EGF: variants seen among roughly 807,000 people sequenced by gnomAD.
EGF encodes pro-epidermal growth factor.
Under a neutral mutation model 143.8 loss-of-function variants are expected in EGF, and 95 were observed. That is an observed-to-expected ratio of 0.66 (90% CI 0.56 to 0.78). EGF has a LOEUF of 0.78. Among genes scored for constraint, EGF ranks in the 30% least tolerant of loss-of-function variants. EGF has a pLI of 0.00. For synonymous variants in EGF, 510 were observed against 510.5 expected, an observed-to-expected ratio of 1.00 and a Z score of 0.01; for missense variants, 1,320 against 1,470.9, an observed-to-expected ratio of 0.90 and a Z score of 1.68.
intron 22 of EGF, among the ~76,000 whole-genome samples, chr4:110,004,997 TTTTC>T (rs1376970769): frequency 2.6e-5 from 4 of 151,676 alleles, no homozygotes; most frequent in East Asian, 1.9e-4. Flanking sequence ...TTCTAATTTA[TTTTC>T]TTTCTTTCTT....
intron 21 of EGF, 103 bp downstream of exon 21, chr4:109,999,949 C>T: frequency 6.5e-7 from 1 of 1,533,600 alleles, no homozygotes; most frequent in South Asian, 1.1e-5. Context: ...CCTCTACATA[C>T]TACATTTAAA....
At chr4:109,921,694 A>T (rs1270391681) in intron 1 of EGF, among the ~76,000 whole-genome samples, 2 of 151,514 alleles carry the variant, frequency 1.3e-5, no homozygotes, top group African/African-American at 4.9e-5. Context: ...TTCTGTGGGT[A>T]GGTGGTTGCT....
chr4:109,945,001 A>T, intron 4 of EGF, 72 bp from the exon 5 acceptor site: 1 of 1,490,972 alleles, frequency 6.7e-7, no homozygotes. Context: ...ATAAATTGAA[A>T]TGAAGTGAAA....
At chr4:109,947,869 G>A (rs1363373293) in intron 5 of EGF, among the ~76,000 whole-genome samples, 1 of 152,132 alleles carries the variant, frequency 6.6e-6, no homozygotes, top group African/African-American at 2.4e-5. Flanking sequence ...AGGAAGGGTA[G>A]GAATAATTGT....
intron 21 of EGF, among the ~76,000 whole-genome samples, chr4:110,000,299 T>C (rs368545011): frequency 9.2e-5 from 14 of 152,218 alleles, no homozygotes; most frequent in South Asian, 6.2e-4. Flanking sequence ...TTTTTACTGT[T>C]AGCTCAGGAT....
intron 16 of EGF, among the ~76,000 whole-genome samples, chr4:109,985,063 GC>G (rs1432329008): frequency 6.6e-6 from 1 of 152,202 alleles, no homozygotes; most frequent in African/African-American, 2.4e-5. Context: ...GATTCATAGA[GC>G]ATATTTTGAA....
At chr4:109,934,743 G>A (rs1740448226) in intron 1 of EGF, among the ~76,000 whole-genome samples, 2 of 152,148 alleles carry the variant, frequency 1.3e-5, no homozygotes, top group Non-Finnish European at 2.9e-5. Context: ...TTTGTGTAAG[G>A]TGTAAGGAAG....
At chr4:109,963,568 G>A (rs1169665711) in intron 9 of EGF, among the ~76,000 whole-genome samples, 1 of 152,152 alleles carries the variant, frequency 6.6e-6, no homozygotes, top group Non-Finnish European at 1.5e-5. Flanking sequence ...GTCATGACAA[G>A]AATAGTCTTA....
chr4:109,925,874 G>T (rs1738551141), intron 1 of EGF, among the ~76,000 whole-genome samples: 2 of 152,184 alleles, frequency 1.3e-5, no homozygotes, highest in Admixed American at 1.3e-4. Flanking sequence ...TGAGATCACA[G>T]AGAACACCAC....
At chr4:109,980,716 A>C in intron 14 of EGF, 110 bp from the exon 15 acceptor site, 1 of 1,227,952 alleles carries the variant, frequency 8.1e-7, no homozygotes, top group Non-Finnish European at 1.2e-6. Context: ...GATACACTGC[A>C]TTTCTCTCCC....
intron 9 of EGF, 21 bp from the exon 10 acceptor site, chr4:109,964,380 T>C (rs1578277235): frequency 1.2e-6 from 2 of 1,613,748 alleles, no homozygotes; most frequent in Non-Finnish European, 1.7e-6. Context: ...AATTCAGCCA[T>C]ATTTGAAATT....
chr4:109,996,055 G>A (rs1751753837), intron 20 of EGF, among the ~76,000 whole-genome samples: 1 of 152,004 alleles, frequency 6.6e-6, no homozygotes, highest in African/African-American at 2.4e-5. Flanking sequence ...AATCTAATTG[G>A]TTTTGCCTGT....
rs866514649 is a variant in EGF, at chr4:109,994,816, G to A, written c.2941G>A (p.Asp981Asn). Residue 981 changes from aspartate (D) to asparagine (N), a missense_variant, in exon 20 of 24, where the codon GAT becomes AAT. Physicochemically the swap from Asp to Asn is conservative, Grantham distance 23. This residue lies in a region of EGF where 1,186 missense variants were observed against 1,313.7 expected (regional missense o/e 0.90). Transcript: ENST00000265171. ...NSDSECPLSH[D>N]GYCLHDGVCM... ...TGACTCTGAATGTCCCCTGTCCCAC[G>A]ATGGGTACTGCCTCCATGATGGTGT... The A allele has an allele frequency of 1.9e-6, 3 of 1,614,136 alleles. No individual in the cohort carries two copies. The highest frequency in any genetic ancestry group is 2.5e-6 in the Non-Finnish European group (3 of 1,180,000).
At chr4:109,944,564 T>A (rs1338728015) in intron 4 of EGF, among the ~76,000 whole-genome samples, 1 of 152,252 alleles carries the variant, frequency 6.6e-6, no homozygotes, top group African/African-American at 2.4e-5. Context: ...ATCAGTCTCT[T>A]GGGATTATTG....
chr4:109,970,824 C>CAAAAAAAAAAAAAAAAAA (rs371512157), intron 11 of EGF, among the ~76,000 whole-genome samples: 7 of 72,960 alleles, frequency 9.6e-5, no homozygotes, highest in African/African-American at 3.8e-4. Flanking sequence ...GACTCCGTCT[C>CAAAAAAAAAAAAAAAAAA]AAAAAAAAAA....
intron 17 of EGF, 110 bp from the exon 18 acceptor site, chr4:109,988,474 G>T: frequency 2.0e-6 from 3 of 1,535,952 alleles, no homozygotes; most frequent in Non-Finnish European, 9.0e-7. Context: ...AACAGCACCT[G>T]TAAAGGACTG....
intron 1 of EGF, among the ~76,000 whole-genome samples, chr4:109,924,075 A>G (rs186040285): frequency 6.6e-6 from 1 of 151,836 alleles, no homozygotes; most frequent in Admixed American, 6.5e-5. Context: ...AAGTTATTGA[A>G]TTTTTTAGTG....
intron 20 of EGF, among the ~76,000 whole-genome samples, chr4:109,998,196 A>C (rs1367170295): frequency 2.6e-5 from 4 of 152,176 alleles, no homozygotes; most frequent in Non-Finnish European, 2.9e-5. Flanking sequence ...ATTAACATCC[A>C]ACAGTTTAAA....
intron 11 of EGF, 41 bp downstream of exon 11, chr4:109,969,160 G>C (rs748958011): frequency 7.4e-6 from 12 of 1,612,838 alleles, no homozygotes; most frequent in Non-Finnish European, 8.5e-7. Flanking sequence ...TGAGATGGGA[G>C]TGATGGGATA....
Sources: gnomAD v4.1 joint callset for allele counts (sites outside exome capture counted in the v4.1 genomes callset) on GRCh38, gnomAD v4.1.1 for gene constraint, gnomAD v4.1.1 regional missense constraint, MANE v1.5 for transcripts, NCBI Gene and HGNC (gene_info 2026-07-23, HGNC 2026-07-21) for gene names.